Variants in TENM2 observed in about 807,000 individuals in gnomAD.
TENM2 encodes the protein teneurin-2.
In TENM2, 52 loss-of-function variants were observed where a neutral mutation model predicts 245.2. The observed-to-expected ratio is 0.21, with a 90% confidence interval of 0.17 to 0.27. TENM2 has a LOEUF of 0.27. TENM2 is among the 10% of genes least tolerant of loss of function. The pLI is 1.00. For synonymous variants in TENM2, 1,363 were observed against 1,438.9 expected (o/e 0.95, Z 1.19); for missense variants, 3,046 against 3,666.8 (o/e 0.83, Z 4.37).
intron 5 of TENM2, among the ~76,000 whole-genome samples, chr5:167,994,658 A>C (rs576768225): frequency 6.6e-6 from 1 of 152,294 alleles, no homozygotes; most frequent in Non-Finnish European, 1.5e-5. Context: ...GCCCTCCCAA[A>C]GTGAGAAAAC....
At position 167,909,519 on chromosome 5, in the gene TENM2, AT is replaced by A. The variant is rs762288828; in HGVS notation, c.712+33327del. Among the ~76,000 whole-genome samples the A allele has an allele frequency of 3.1e-4, 47 of 152,322 alleles. 1 individual carries two copies. Among genetic ancestry groups the A allele is most frequent in the Admixed American group, 1.4e-3 (21 of 15,304 alleles). On this transcript the variant is annotated intron_variant, in intron 3 of 28. Transcript: ENST00000518659. Reference sequence around the variant, plus strand: ...TGTCACTACTCAGATATTGCCCTTCATTTATAATTGTGTGGTCATTAATTCT... The same window carrying A: ...TGTCACTACTCAGATATTGCCCTTCATTATAATTGTGTGGTCATTAATTCT...
At chr5:167,234,031 TA>T in the TENM2 span, among the ~76,000 whole-genome samples, 41 of 138,454 alleles carry the variant, frequency 3.0e-4, no homozygotes, top group Admixed American at 8.5e-4. Flanking sequence ...ATCAAGCAAG[TA>T]AAAGCACTTT....
chr5:167,338,835 G>A lies in TENM2; in HGVS notation c.227-36363G>A, dbSNP rs543787311. Among the ~76,000 whole-genome samples the A allele has an allele frequency of 5.3e-5, 8 of 152,276 alleles. No homozygotes were observed. The South Asian group carries it at 1.5e-3, about 28-fold the overall frequency. On this transcript the variant is annotated intron_variant, in intron 1 of 28. Transcript: ENST00000518659. ...TGAGGACTCTTCCTGGCTTGCAGAT[G>A]GCCCCGCTTTTGTTGCATTCACACG...
intron 1 of TENM2, among the ~76,000 whole-genome samples, chr5:167,354,917 A>T (rs1759207417): frequency 6.6e-6 from 1 of 152,210 alleles, no homozygotes. Context: ...GGGATTAAGG[A>T]CACATATTTG....
At chr5:167,748,787 AACTC>A (rs557132679) in intron 2 of TENM2, among the ~76,000 whole-genome samples, 98 of 152,152 alleles carry the variant, frequency 6.4e-4, no homozygotes, top group African/African-American at 2.3e-3. Flanking sequence ...ATCTTGTGAG[AACTC>A]ACTCACTATC....
chr5:167,151,372 T>G, the TENM2 span, among the ~76,000 whole-genome samples: 1 of 152,154 alleles, frequency 6.6e-6, no homozygotes, highest in African/African-American at 2.4e-5. Context: ...TCTCCAACAT[T>G]TCACTTTTCT....
chr5:167,916,477 A>C lies in TENM2; in HGVS notation c.713-36111A>C, dbSNP rs1203718989. ...CCTTTGCCACCAGGTCAGGGAAATC[A>C]TCAATCCCGGGGAGCAACTACAAAG... On this transcript the variant is annotated intron_variant, in intron 3 of 28. Coordinates refer to ENST00000518659, the Ensembl canonical transcript of TENM2. 3.3e-5 allele frequency among the ~76,000 whole-genome samples: 5 copies of C among 152,192 alleles called. 1 individual carries two copies. Among genetic ancestry groups the C allele is most frequent in the African/African-American group, 1.2e-4 (5 of 41,446 alleles).
At chr5:168,011,608 T>A (rs1468116822) in intron 5 of TENM2, among the ~76,000 whole-genome samples, 1 of 152,212 alleles carries the variant, frequency 6.6e-6, no homozygotes. Flanking sequence ...AGCTCATCTT[T>A]GGCTCTGTGT....
chr5:168,000,878 C>T (rs896119692), intron 5 of TENM2, among the ~76,000 whole-genome samples: 2 of 152,016 alleles, frequency 1.3e-5, no homozygotes, highest in Admixed American at 6.6e-5. Flanking sequence ...ATGGTGGTAC[C>T]TGGCACACAA....
At chr5:167,315,232 G>T (rs1756288965) in intron 1 of TENM2, among the ~76,000 whole-genome samples, 2 of 152,008 alleles carry the variant, frequency 1.3e-5, no homozygotes, top group Non-Finnish European at 2.9e-5. Context: ...TTTAACTACA[G>T]TTGTAATTCA....
At chr5:167,676,056 A>G (rs948318826) in intron 2 of TENM2, among the ~76,000 whole-genome samples, 1 of 152,070 alleles carries the variant, frequency 6.6e-6, no homozygotes, top group African/African-American at 2.4e-5. Flanking sequence ...TCAAGGAGCC[A>G]TATTATCTAA....
chr5:168,165,447 C>G (rs1217599768), intron 13 of TENM2, among the ~76,000 whole-genome samples: 1 of 152,086 alleles, frequency 6.6e-6, no homozygotes, highest in Non-Finnish European at 1.5e-5. Context: ...GAATGCCACA[C>G]AGAGGGGAGA....
chr5:167,377,709 A>G (rs933685368), intron 2 of TENM2, among the ~76,000 whole-genome samples: 1 of 152,156 alleles, frequency 6.6e-6, no homozygotes, highest in Non-Finnish European at 1.5e-5. Context: ...CTCTCTGACA[A>G]ATTCTGTTTA....
At chr5:167,213,118 T>G in the TENM2 span, among the ~76,000 whole-genome samples, 9 of 152,202 alleles carry the variant, frequency 5.9e-5, no homozygotes, top group Non-Finnish European at 1.3e-4. Context: ...ATACCTGGTG[T>G]TTCGTATCGT....
At chr5:167,421,910 G>T (rs536316825) in intron 2 of TENM2, among the ~76,000 whole-genome samples, 3 of 152,066 alleles carry the variant, frequency 2.0e-5, no homozygotes, top group Non-Finnish European at 4.4e-5. Flanking sequence ...CTCTGCCTCA[G>T]CCTCCCAAGT....
intron 3 of TENM2, among the ~76,000 whole-genome samples, chr5:167,925,269 A>G (rs183568895): frequency 2.6e-5 from 4 of 152,364 alleles, no homozygotes; most frequent in African/African-American, 9.6e-5. Flanking sequence ...AAGAAGTCAG[A>G]CATAAAATAG....
At chr5:167,793,793 G>T (rs557120828) in intron 2 of TENM2, among the ~76,000 whole-genome samples, 41 of 151,180 alleles carry the variant, frequency 2.7e-4, no homozygotes, top group Admixed American at 2.2e-3. Context: ...CCATGGTTGT[G>T]CCACTGCACT....
At chr5:168,170,309 G>C (rs1337246297) in intron 13 of TENM2, among the ~76,000 whole-genome samples, 1 of 152,150 alleles carries the variant, frequency 6.6e-6, no homozygotes, top group Non-Finnish European at 1.5e-5. Flanking sequence ...TTTGAGACCA[G>C]CCTGGCCAAT....
At chr5:167,102,715 GT>G in the TENM2 span, among the ~76,000 whole-genome samples, 2 of 152,238 alleles carry the variant, frequency 1.3e-5, no homozygotes, top group African/African-American at 4.8e-5. Context: ...CTGGAGCGCA[GT>G]GGCGCAGTCT....
Sources: allele counts gnomAD v4.1 joint callset (sites outside exome capture counted in the v4.1 genomes callset), GRCh38; gene constraint gnomAD v4.1.1; transcripts MANE v1.5; gene names NCBI Gene and HGNC (gene_info 2026-07-23, HGNC 2026-07-21).